Variants in ANKS1B observed in about 807,000 individuals in gnomAD.
The protein encoded by ANKS1B is ankyrin repeat and sterile alpha motif domain containing 1B, also known as ankyrin repeat and sterile alpha motif domain-containing protein 1B.
ANKS1B carries 36 observed loss-of-function variants against 148.3 expected under a neutral mutation model. The ratio of observed to expected loss-of-function variants is 0.24; its 90% CI spans 0.19 to 0.32. The LOEUF is 0.32. Ranked by LOEUF, ANKS1B falls within the 10% of genes least tolerant of loss-of-function variation. The pLI, the probability that ANKS1B is intolerant of heterozygous loss-of-function variation, is 1.00. For missense variants in ANKS1B, 1,157 were observed against 1,542.6 expected (o/e 0.75, Z 4.19); for synonymous variants, 542 against 560.8 (o/e 0.97, Z 0.47).
At chr12:99,103,981 AATCC>A (rs1316978112) in intron 15 of ANKS1B, among the ~76,000 whole-genome samples, 2 of 152,250 alleles carry the variant, frequency 1.3e-5, no homozygotes, top group Non-Finnish European at 2.9e-5. Context: ...CAAGGGTGCC[AATCC>A]AGTGTGGCAA....
At chr12:99,770,795 G>A (rs1016423744) in intron 8 of ANKS1B, among the ~76,000 whole-genome samples, 1 of 151,818 alleles carries the variant, frequency 6.6e-6, no homozygotes, top group Non-Finnish European at 1.5e-5. Context: ...CAAATAAACA[G>A]AATTATTTGC....
chr12:98,986,611 C>CTTTTG (rs1375218674), intron 17 of ANKS1B, among the ~76,000 whole-genome samples: 2 of 151,708 alleles, frequency 1.3e-5, no homozygotes, highest in East Asian at 3.9e-4. Flanking sequence ...TCTACTGGAT[C>CTTTTG]TTTTGTTTTG....
At chr12:99,114,529 A>G (rs920017154) in intron 15 of ANKS1B, among the ~76,000 whole-genome samples, 2 of 152,214 alleles carry the variant, frequency 1.3e-5, no homozygotes, top group Non-Finnish European at 2.9e-5. Context: ...AGGCTGGTGC[A>G]TCACTTGAGG....
At chr12:99,389,794 A>T (rs949653177) in intron 12 of ANKS1B, among the ~76,000 whole-genome samples, 2 of 148,894 alleles carry the variant, frequency 1.3e-5, no homozygotes, top group African/African-American at 5.2e-5. Context: ...AATTGATTTA[A>T]AAAAAAACAG....
chr12:99,005,586 T>C (rs910647849), intron 17 of ANKS1B, among the ~76,000 whole-genome samples: 2 of 152,222 alleles, frequency 1.3e-5, no homozygotes, highest in Non-Finnish European at 2.9e-5. Flanking sequence ...ATCCTCTTTT[T>C]ACATGTCTCC....
At chr12:99,197,549 G>C (rs1566610214) in intron 14 of ANKS1B, among the ~76,000 whole-genome samples, 1 of 152,166 alleles carries the variant, frequency 6.6e-6, no homozygotes, top group African/African-American at 2.4e-5. Flanking sequence ...GAAATGGAAA[G>C]ATCATCCTGG....
chr12:99,258,759 G>A (rs749927082), intron 12 of ANKS1B, among the ~76,000 whole-genome samples: 1 of 151,992 alleles, frequency 6.6e-6, no homozygotes, highest in African/African-American at 2.4e-5. Context: ...AAGTAACAAT[G>A]AGCCACAGAG....
chr12:98,881,049 T>C (rs2099706630), intron 17 of ANKS1B, among the ~76,000 whole-genome samples: 1 of 152,186 alleles, frequency 6.6e-6, no homozygotes, highest in Non-Finnish European at 1.5e-5. Flanking sequence ...AGCAGTATAT[T>C]TTTTAAAAAT....
At chr12:98,740,475 C>A (rs1239866743), downstream of ANKS1B, among the ~76,000 whole-genome samples, 1 of 152,210 alleles carries the variant, frequency 6.6e-6, no homozygotes, top group South Asian at 2.1e-4. Flanking sequence ...CATATTAACC[C>A]AGCTGTGGGG....
intron 17 of ANKS1B, among the ~76,000 whole-genome samples, chr12:98,911,631 A>T (rs1276271617): frequency 6.6e-6 from 1 of 152,184 alleles, no homozygotes; most frequent in Non-Finnish European, 1.5e-5. Context: ...ATAATTCTCC[A>T]TAACGCTTCC....
intron 8 of ANKS1B, among the ~76,000 whole-genome samples, chr12:99,687,690 C>G (rs1241344897): frequency 6.6e-6 from 1 of 152,108 alleles, no homozygotes; most frequent in African/African-American, 2.4e-5. Flanking sequence ...TTTTTTCTTA[C>G]ACTTCTCTCC....
At chr12:99,126,664 C>T (rs542215920) in intron 15 of ANKS1B, among the ~76,000 whole-genome samples, 204 of 152,288 alleles carry the variant, frequency 1.3e-3, no homozygotes, top group Middle Eastern at 6.8e-3. Flanking sequence ...GACTCTTCTA[C>T]GCCAGTTCGA....
At chr12:98,885,247 G>A (rs1234352989) in intron 17 of ANKS1B, among the ~76,000 whole-genome samples, 1 of 152,120 alleles carries the variant, frequency 6.6e-6, no homozygotes, top group Non-Finnish European at 1.5e-5. Context: ...AGTTCCAACA[G>A]TAACCACTCA....
chr12:99,206,915 G>A (rs1234597102), intron 14 of ANKS1B, among the ~76,000 whole-genome samples: 1 of 152,136 alleles, frequency 6.6e-6, no homozygotes, highest in Non-Finnish European at 1.5e-5. Context: ...AGAGAGTACT[G>A]GTCTAAACAA....
intron 4 of ANKS1B, among the ~76,000 whole-genome samples, chr12:99,784,168 C>CTTT (rs71088155): frequency 2.3e-4 from 25 of 110,850 alleles, no homozygotes; most frequent in African/African-American, 3.0e-4. Context: ...ACTGAACTTT[C>CTTT]TTTTTTTTTT....
At chr12:98,834,729 GCTAA>G (rs1405420393) in intron 17 of ANKS1B, among the ~76,000 whole-genome samples, 2 of 152,128 alleles carry the variant, frequency 1.3e-5, no homozygotes, top group East Asian at 1.9e-4. Context: ...TTATAAATAT[GCTAA>G]CTAAGTGTGG....
chr12:99,797,324 C>T (rs906984798), intron 4 of ANKS1B, among the ~76,000 whole-genome samples: 1 of 151,962 alleles, frequency 6.6e-6, no homozygotes, highest in African/African-American at 2.4e-5. Context: ...GAGCACTATT[C>T]TGTACATCTC....
intron 1 of ANKS1B, among the ~76,000 whole-genome samples, chr12:99,861,067 G>A (rs1488588240): frequency 6.6e-6 from 1 of 152,168 alleles, no homozygotes; most frequent in East Asian, 1.9e-4. Flanking sequence ...GCAGCCAACT[G>A]ATCAGACCAT....
intron 15 of ANKS1B, chr12:99,099,676 A>G (rs2057393809): frequency 6.6e-6 from 1 of 152,236 alleles, no homozygotes; most frequent in African/African-American, 2.4e-5. Flanking sequence ...GGAATTTGGT[A>G]TTCCTTCATA....
Sources: allele counts gnomAD v4.1 joint callset (sites outside exome capture counted in the v4.1 genomes callset), GRCh38; gene constraint gnomAD v4.1.1; transcripts MANE v1.5; gene names NCBI Gene and HGNC (gene_info 2026-07-23, HGNC 2026-07-21).